The following DTD1 variants were observed in gnomAD, a reference collection of about 807,000 sequenced individuals.
The protein encoded by DTD1 is D-tyrosyl-tRNA deacylase 1 homolog.
Under a neutral mutation model 25.6 loss-of-function variants are expected in DTD1, and 13 were observed. The ratio of observed to expected loss-of-function variants is 0.51; its 90% confidence interval spans 0.33 to 0.81. The LOEUF is 0.81. Ranked by LOEUF, DTD1 falls within the 30% of genes least tolerant of loss-of-function variation. DTD1 has a pLI of 0.02. For synonymous variants in DTD1, 110 were observed against 103.6 expected (o/e 1.06, Z -0.37); for missense variants, 193 against 266.4 (o/e 0.72, Z 1.92).
intron 4 of DTD1, among the ~76,000 whole-genome samples, chr20:18,671,016 T>G (rs1428474463): frequency 1.3e-5 from 2 of 152,214 alleles, no homozygotes; most frequent in African/African-American, 2.4e-5. Context: ...GAAATGGAAC[T>G]GAGAGATGCC....
At position 18,765,409 on chromosome 20, in the gene DTD1, T is replaced by C. The variant is rs923748643; in HGVS notation, c.*2069T>C. 1 of 152,190 alleles carries C rather than the reference T, an allele frequency of 6.6e-6. No individual in the cohort carries two copies. Among genetic ancestry groups the C allele is most frequent in the Admixed American group, 6.5e-5 (1 of 15,276 alleles). The allele number at this position is 152,190 out of a possible 1,614,324, so 9.4% of individuals were successfully genotyped here. A position where few individuals can be genotyped will look rare whatever the true frequency, so the allele number is the denominator to read the frequency against. On this transcript the variant is annotated 3_prime_UTR_variant, in exon 6 of 6. Coordinates refer to ENST00000377452, the MANE Select transcript of DTD1 (RefSeq NM_080820.6). ...TGTGTGAGGGGGGATCTTTGATTAATTAAAACATCTTCCTCACAGTATGCA... is the reference window on the plus strand; with the variant it reads ...TGTGTGAGGGGGGATCTTTGATTAACTAAAACATCTTCCTCACAGTATGCA...
chr20:18,614,849 T>A (rs1159704011), intron 3 of DTD1, among the ~76,000 whole-genome samples: 1 of 151,930 alleles, frequency 6.6e-6, no homozygotes, highest in Non-Finnish European at 1.5e-5. Context: ...CACTCTTTCT[T>A]CCACTCTCCT....
intron 3 of DTD1, among the ~76,000 whole-genome samples, chr20:18,605,912 A>C (rs1268611132): frequency 1.0e-3 from 150 of 148,548 alleles, no homozygotes; most frequent in East Asian, 2.4e-3. Context: ...GCAACAAAAG[A>C]CAAAATTGAC....
chr20:18,653,750 T>C (rs2060882247), intron 4 of DTD1, among the ~76,000 whole-genome samples: 1 of 152,258 alleles, frequency 6.6e-6, no homozygotes, highest in African/African-American at 2.4e-5. Flanking sequence ...AAATGTATAA[T>C]TCCAAAAGTA....
intron 5 of DTD1, among the ~76,000 whole-genome samples, chr20:18,750,457 G>T (rs2061317704): frequency 6.6e-6 from 1 of 152,164 alleles, no homozygotes; most frequent in African/African-American, 2.4e-5. Context: ...GCCCTAAGGG[G>T]AGCAGCTTTG....
chr20:18,727,490 C>T (rs1414215529), intron 4 of DTD1, among the ~76,000 whole-genome samples: 1 of 152,098 alleles, frequency 6.6e-6, no homozygotes, highest in Non-Finnish European at 1.5e-5. Flanking sequence ...CTCTTCGGCC[C>T]TGAAGGAGAG....
chr20:18,679,174 A>G (rs1193242870), intron 4 of DTD1, among the ~76,000 whole-genome samples: 1 of 152,106 alleles, frequency 6.6e-6, no homozygotes, highest in Non-Finnish European at 1.5e-5. Context: ...CTTGATTTAC[A>G]TTTTCTTTGA....
chr20:18,689,600 G>A (rs574475006), intron 4 of DTD1, among the ~76,000 whole-genome samples: 15 of 152,208 alleles, frequency 9.9e-5, no homozygotes, highest in African/African-American at 3.4e-4. Flanking sequence ...AAGGATGTTG[G>A]TATTTTATCA....
chr20:18,726,980 T>C (rs774260695), intron 4 of DTD1, among the ~76,000 whole-genome samples: 33 of 152,232 alleles, frequency 2.2e-4, no homozygotes, highest in Non-Finnish European at 4.6e-4. Flanking sequence ...TCCAGGCACC[T>C]GTTGGCCTTG....
At chr20:18,761,470 T>C (rs948119860) in intron 5 of DTD1, among the ~76,000 whole-genome samples, 1 of 152,188 alleles carries the variant, frequency 6.6e-6, no homozygotes, top group Non-Finnish European at 1.5e-5. Flanking sequence ...ATACTGTATA[T>C]ATATAGTGTC....
chr20:18,621,792 TG>T lies in DTD1; in HGVS notation c.371-6333del, dbSNP rs557007908. ...TTAAAAAAATTTTTTTGGCCAGGCG[TG>T]GTGGCTCACGCCTGTAATCCCAGCA... On this transcript the variant is annotated intron_variant, in intron 3 of 5. Coordinates refer to ENST00000377452, the MANE Select transcript of DTD1 (RefSeq NM_080820.6). 3.6e-3 allele frequency among the ~76,000 whole-genome samples: 546 copies of T among 152,166 alleles called. 5 individuals carry two copies. The highest frequency in any genetic ancestry group is 0.013 in the African/African-American group (529 of 41,534).
chr20:18,742,484 C>T (rs916912523), intron 4 of DTD1, among the ~76,000 whole-genome samples: 1 of 152,156 alleles, frequency 6.6e-6, no homozygotes, highest in African/African-American at 2.4e-5. Context: ...AGCTCCGCCT[C>T]CTGTCAGATC....
intron 4 of DTD1, chr20:18,631,927 G>C: frequency 1.0e-6 from 1 of 980,426 alleles, no homozygotes; most frequent in Non-Finnish European, 1.2e-6. Context: ...TAGGTCAAAG[G>C]GTACAAAGAT....
At chr20:18,758,908 T>A (rs2061349969) in intron 5 of DTD1, among the ~76,000 whole-genome samples, 1 of 152,220 alleles carries the variant, frequency 6.6e-6, no homozygotes, top group South Asian at 2.1e-4. Context: ...GCTTTATGAA[T>A]CTGGGTGCTT....
intron 4 of DTD1, among the ~76,000 whole-genome samples, chr20:18,653,997 A>G (rs1295901750): frequency 6.6e-6 from 1 of 152,232 alleles, no homozygotes; most frequent in Non-Finnish European, 1.5e-5. Flanking sequence ...ACAGTCTTTC[A>G]GGCTGCACTG....
At chr20:18,589,473 C>T (rs1294712494) in intron 1 of DTD1, among the ~76,000 whole-genome samples, 1 of 152,172 alleles carries the variant, frequency 6.6e-6, no homozygotes, top group African/African-American at 2.4e-5. Context: ...GTCTATTTTT[C>T]AACCCCGCCT....
chr20:18,704,773 C>CGAATGTCAGTAGTGCT (rs1689657419), intron 4 of DTD1, among the ~76,000 whole-genome samples: 1 of 151,988 alleles, frequency 6.6e-6, no homozygotes, highest in Admixed American at 6.5e-5. Context: ...TATCCAGCTC[C>CGAATGTCAGTAGTGCT]GAATGTCAGT....
intron 4 of DTD1, among the ~76,000 whole-genome samples, chr20:18,702,084 AT>A (rs1400815117): frequency 1.3e-5 from 2 of 152,218 alleles, no homozygotes; most frequent in African/African-American, 4.8e-5. Context: ...AGAGTCTCTT[AT>A]TCACTTCCAT....
chr20:18,668,642 C>T (rs1038501994), intron 4 of DTD1, among the ~76,000 whole-genome samples: 8 of 152,086 alleles, frequency 5.3e-5, no homozygotes, highest in Admixed American at 1.3e-4. Context: ...ACTGAGCCCC[C>T]GAGTCATTAC....
Sources: gnomAD v4.1 joint callset for allele counts (sites outside exome capture counted in the v4.1 genomes callset) on GRCh38, gnomAD v4.1.1 for gene constraint, MANE v1.5 for transcripts, NCBI Gene and HGNC (gene_info 2026-07-23, HGNC 2026-07-21) for gene names.